INTU: variants seen among roughly 807,000 people sequenced by gnomAD.
The protein encoded by INTU is protein inturned.
Under a neutral mutation model 100.5 loss-of-function variants are expected in INTU, and 68 were observed. The observed-to-expected ratio is 0.68, with a 90% CI of 0.56 to 0.83. INTU has a LOEUF of 0.83. Among genes scored for constraint, INTU ranks in the 40% least tolerant of loss-of-function variants. The pLI is 0.00. For missense variants in INTU, 1,071 were observed against 1,114.7 expected (o/e 0.96, Z 0.56); for synonymous variants, 357 against 395.7 (o/e 0.90, Z 1.16).
chr4:127,702,484 G>GCAAAACAAA (rs1730692184), intron 9 of INTU, among the ~76,000 whole-genome samples: 1 of 152,060 alleles, frequency 6.6e-6, no homozygotes, highest in Non-Finnish European at 1.5e-5. Context: ...AACAAATTCT[G>GCAAAACAAA]GTATATCCAG....
chr4:127,706,785 T>A lies in INTU; in HGVS notation c.2087T>A (p.Leu696His). The A allele has an allele frequency of 6.2e-7, 1 of 1,614,072 alleles. No individual in the cohort carries two copies. The highest frequency in any genetic ancestry group is 2.2e-5 in the East Asian group (1 of 44,874). Reference protein sequence around the residue: ...VATSPTCRRTLFGDYSLKTRK... With the variant: ...VATSPTCRRTHFGDYSLKTRK... The stretch of plus-strand genomic sequence containing the variant: ...ACTTCTCCAACATGCAGAAGAACGC[T>A]TTTTGGTGACTATTCCTTAAAGACA... Residue 696 changes from leucine (L) to histidine (H), a missense_variant, in exon 12 of 16, where the codon CTT (leucine) becomes CAT (histidine). Physicochemically the swap from Leu to His is moderately conservative, Grantham distance 99 (BLOSUM62 -3). Transcript: ENST00000335251.
intron 12 of INTU, among the ~76,000 whole-genome samples, 171 bp downstream of exon 12, chr4:127,707,140 T>C (rs1362327278): frequency 6.6e-6 from 1 of 151,960 alleles, no homozygotes; most frequent in African/African-American, 2.4e-5. Flanking sequence ...AAAAGAAATA[T>C]CAGGCCAGGT....
Position 127,642,508 on chromosome 4 carries a change from A to G in INTU, c.147-1013A>G, listed in dbSNP as rs530662747. On this transcript the variant is annotated intron_variant, in intron 1 of 15. Coordinates refer to ENST00000335251, the MANE Select transcript of INTU (RefSeq NM_015693.4). Reference sequence around the variant, plus strand: ...TTAAGTTAAGAGAACTGGAGTTGCTAATAAACACTGCAGAAAACAGAAATG... The same window carrying G: ...TTAAGTTAAGAGAACTGGAGTTGCTGATAAACACTGCAGAAAACAGAAATG... Among the ~76,000 whole-genome samples the G allele has an allele frequency of 8.1e-4, 124 of 152,326 alleles. 1 individual carries two copies. The highest frequency in any genetic ancestry group is 2.9e-3 in the African/African-American group (119 of 41,586).
rs140580757 is a variant in INTU at position 127,645,156 on chromosome 4, A to G, written c.682+1100A>G. Among the ~76,000 whole-genome samples the G allele has an allele frequency of 1.9e-4, 29 of 152,294 alleles. 1 individual carries two copies. The highest frequency in any genetic ancestry group is 6.3e-4 in the African/African-American group (26 of 41,564). On this transcript the variant is annotated intron_variant, in intron 2 of 15. Coordinates refer to ENST00000335251, the MANE Select transcript of INTU (RefSeq NM_015693.4). ...CTCAACAGGATCTGCACACTTTCTT[A>G]AAATGTAGTGTTGATACTCCTCCCA...
intron 1 of INTU, among the ~76,000 whole-genome samples, chr4:127,636,762 C>T (rs1243060612): frequency 6.6e-6 from 1 of 152,126 alleles, no homozygotes; most frequent in Non-Finnish European, 1.5e-5. Flanking sequence ...GAATTTTTAA[C>T]ATGGGAACAT....
intron 1 of INTU, among the ~76,000 whole-genome samples, chr4:127,640,487 A>G (rs1400992489): frequency 6.4e-5 from 9 of 140,710 alleles, no homozygotes; most frequent in Non-Finnish European, 1.2e-4. Context: ...AAGAGAGTGG[A>G]TCCCACACAT....
chr4:127,705,575 TG>T lies in INTU; in HGVS notation c.1567-15del. ...ATATCACTGGTAGACTTTTGCTCTT[TG>T]TGGTTAAATTCAAGGGTTATTTGAT... On this transcript the variant is annotated splice_polypyrimidine_tract_variant and intron_variant, in intron 10 of 15. Transcript: ENST00000335251. The T allele has an allele frequency of 6.3e-7, 1 of 1,594,882 alleles. No individual in the cohort carries two copies. Among genetic ancestry groups the T allele is most frequent in the South Asian group, 1.1e-5 (1 of 90,560 alleles).
intron 2 of INTU, among the ~76,000 whole-genome samples, chr4:127,649,636 T>G (rs925172247): frequency 2.0e-5 from 3 of 152,116 alleles, no homozygotes; most frequent in East Asian, 3.9e-4. Context: ...AGTTTTGGAT[T>G]TTGGAGGATT....
At chr4:127,664,765 A>G (rs969982913) in intron 4 of INTU, among the ~76,000 whole-genome samples, 12 of 151,580 alleles carry the variant, frequency 7.9e-5, no homozygotes, top group Non-Finnish European at 5.9e-5. Flanking sequence ...TATTTGACAT[A>G]TCTTTTACAC....
At chr4:127,649,959 T>C (rs866457116) in intron 2 of INTU, among the ~76,000 whole-genome samples, 7 of 152,214 alleles carry the variant, frequency 4.6e-5, no homozygotes, top group African/African-American at 1.7e-4. Flanking sequence ...AATTATGTTC[T>C]GAAAGTGAAT....
rs1450337930 is a variant in INTU at position 127,643,955 on chromosome 4, G to A, written c.581G>A (p.Trp194Ter). Residue 194 changes from tryptophan to a stop codon, truncating the protein, a stop_gained, in exon 2 of 16, where the codon TGG becomes TAG. Transcript: ENST00000335251. LOFTEE classifies it high-confidence loss of function. ...VLVGIIHQTKWSWRRTGKQGD... is the reference protein window; with the variant it reads ...VLVGIIHQTK ...GTTGGAATTATTCATCAGACCAAGT[G>A]GAGCTGGAGAAGAACCGGAAAGCAG... 1.9e-6 allele frequency: 3 copies of A among 1,614,192 alleles called. No individual in the cohort carries two copies. Among genetic ancestry groups the A allele is most frequent in the Non-Finnish European group, 2.5e-6 (3 of 1,180,022 alleles).
intron 8 of INTU, among the ~76,000 whole-genome samples, chr4:127,691,980 A>ATATATATATATATATATG (rs971919620): frequency 1.4e-5 from 2 of 143,354 alleles, no homozygotes; most frequent in African/African-American, 5.3e-5. Flanking sequence ...ATATATATAT[A>ATATATATATATATATATG]TGTCACATTT....
intron 6 of INTU, chr4:127,683,778 G>A (rs1362935163): frequency 6.6e-6 from 1 of 152,156 alleles, no homozygotes; most frequent in Non-Finnish European, 1.5e-5. Flanking sequence ...TCACCGGCAG[G>A]CTCTACTCCC....
intron 5 of INTU, among the ~76,000 whole-genome samples, 193 bp from the exon 6 acceptor site, chr4:127,673,931 T>C (rs1020917005): frequency 6.6e-6 from 1 of 151,882 alleles, no homozygotes; most frequent in Non-Finnish European, 1.5e-5. Flanking sequence ...GTTTTTTTTT[T>C]TTAATATGTT....
intron 9 of INTU, among the ~76,000 whole-genome samples, chr4:127,702,076 A>T (rs1231004382): frequency 2.0e-5 from 3 of 152,176 alleles, no homozygotes; most frequent in African/African-American, 7.2e-5. Flanking sequence ...TTACATCCAA[A>T]ATGTTTAATT....
At chr4:127,695,474 G>T (rs886455078) in intron 8 of INTU, among the ~76,000 whole-genome samples, 1 of 152,150 alleles carries the variant, frequency 6.6e-6, no homozygotes, top group African/African-American at 2.4e-5. Flanking sequence ...GGGTGTGGTG[G>T]CACATGTCTA....
intron 13 of INTU, among the ~76,000 whole-genome samples, chr4:127,709,228 G>T (rs1267510076): frequency 1.3e-5 from 2 of 152,214 alleles, no homozygotes; most frequent in Non-Finnish European, 2.9e-5. Context: ...AGACAACTCT[G>T]AAAGGCCAGC....
chr4:127,692,843 G>A (rs1730212694), intron 8 of INTU, among the ~76,000 whole-genome samples: 1 of 152,098 alleles, frequency 6.6e-6, no homozygotes, highest in Admixed American at 6.6e-5. Context: ...TGAATAGGAT[G>A]TCCTTTCCCC....
chr4:127,650,403 G>T (rs1560832844), intron 2 of INTU, among the ~76,000 whole-genome samples: 1 of 130,490 alleles, frequency 7.7e-6, no homozygotes, highest in Non-Finnish European at 1.5e-5. Flanking sequence ...TCCCCAGAGT[G>T]TGATGTTCCC....
Sources: gnomAD v4.1 joint callset for allele counts (sites outside exome capture counted in the v4.1 genomes callset) on GRCh38, gnomAD v4.1.1 for gene constraint, MANE v1.5 for transcripts, NCBI Gene and HGNC (gene_info 2026-07-23, HGNC 2026-07-21) for gene names.